The following HTR1D variants were observed in gnomAD, a reference collection of about 807,000 sequenced individuals.
The protein encoded by HTR1D is 5-hydroxytryptamine receptor 1D.
HTR1D carries 18 observed loss-of-function variants against 21.1 expected under a neutral mutation model. The observed-to-expected ratio is 0.85, with a 90% confidence interval of 0.59 to 1.27. The LOEUF (loss-of-function observed/expected upper bound fraction) is 1.27. HTR1D is among the 50% of genes most tolerant of loss of function. HTR1D has a pLI of 0.00. For missense variants in HTR1D, 456 were observed against 481.4 expected, an observed-to-expected ratio of 0.95 and a Z score of 0.49; for synonymous variants, 196 against 204.4, an observed-to-expected ratio of 0.96 and a Z score of 0.35.
chr1:23,205,176 T>C, intron 1 of HTR1D, among the ~76,000 whole-genome samples: 1 of 151,062 alleles, frequency 6.6e-6, no homozygotes, highest in Admixed American at 6.6e-5. Context: ...CTCACTGATA[T>C]GTGGGAACTA....
rs578000157 is a variant in HTR1D, at chr1:23,202,092, T to TTTTG, written c.-782-7095_-782-7092dup. ...TGGTTTTTTGTTGTTGTTGTTGTTG[T>TTTTG]TTTGTTTGTTTGTTTGTTTTTTGAG... On this transcript the variant is annotated intron_variant, in intron 1 of 1. Transcript: ENST00000374619. Among the ~76,000 whole-genome samples the TTTTG allele has an allele frequency of 1.6e-4, 24 of 151,884 alleles. 1 individual carries two copies. In the East Asian group the frequency reaches 2.7e-3, roughly 17 times the overall value.
intron 1 of HTR1D, among the ~76,000 whole-genome samples, chr1:23,203,570 C>T (rs957615119): frequency 5.9e-5 from 9 of 152,098 alleles, no homozygotes; most frequent in Admixed American, 2.0e-4. Flanking sequence ...GGTGGGAGAA[C>T]TGCTTGAGCC....
At chr1:23,210,283 G>T (rs1644748855) in intron 1 of HTR1D, among the ~76,000 whole-genome samples, 1 of 152,120 alleles carries the variant, frequency 6.6e-6, no homozygotes, top group African/African-American at 2.4e-5. Context: ...TCACCATGTT[G>T]GCCAGGCTGG....
chr1:23,209,955 A>C (rs1644747772), intron 1 of HTR1D, among the ~76,000 whole-genome samples: 2 of 152,182 alleles, frequency 1.3e-5, no homozygotes, highest in Admixed American at 1.3e-4. Context: ...TGGTGACGGC[A>C]GCTTGGCACA....
At chr1:23,195,881 T>C (rs1163409392) in intron 1 of HTR1D, among the ~76,000 whole-genome samples, 6 of 152,156 alleles carry the variant, frequency 3.9e-5, no homozygotes, top group Non-Finnish European at 8.8e-5. Context: ...CAGGCTAGAG[T>C]GCGGTGGCAT....
rs750080172 is a variant in HTR1D at position 23,193,677 on chromosome 1, G to A, written c.543C>T (p.Ala181=). 2.5e-6 allele frequency: 4 copies of A among 1,613,428 alleles called. No individual in the cohort carries two copies. In the African/African-American group the frequency reaches 5.3e-5, roughly 22 times the overall value. ...CCAGACAGTCCGACATCTCCTCCTG[G>A]GCCTTGGCCTGCCGCCAGAAGAGCG... ...IPPLFWRQAK[A]QEEMSDCLVN... is the part of the protein sequence containing the mutation. Residue 181 remains alanine (A), a synonymous_variant, in exon 2 of 2, where the codon GCC becomes GCT. Coordinates refer to ENST00000374619, the MANE Select transcript of HTR1D (RefSeq NM_000864.5).
Position 23,194,199 on chromosome 1 carries a change from T to C in HTR1D, c.21A>G (p.Ser7=). Residue 7 remains serine (S), a synonymous_variant, in exon 2 of 2, where the codon TCA becomes TCG. Transcript: ENST00000374619. MSPLNQ[S]AEGLPQEASN... ...AGGCCTCCTGGGGAAGGCCTTCTGC[T>C]GACTGGTTCAGTGGGGACATGCTAG... 1 of 1,613,682 alleles carries C rather than the reference T, an allele frequency of 6.2e-7. No homozygotes were observed.
chr1:23,193,418 C>A lies in HTR1D; in HGVS notation c.802G>T (p.Ala268Ser), dbSNP rs540724727. ...TGGTTGAAAAAGAGAGGGGAGCCAG[C>A]CGAGTGCGAGTGCCCCTCATGGAGG... ...SSLHEGHSHSAGSPLFFNHVK... is the reference protein window; with the variant it reads ...SSLHEGHSHSSGSPLFFNHVK... Residue 268 changes from alanine to serine, a missense_variant, in exon 2 of 2, where the codon GCT (alanine) becomes TCT (serine). Physicochemically the swap from Ala to Ser is moderately conservative, Grantham distance 99. Coordinates refer to ENST00000374619, the MANE Select transcript of HTR1D (RefSeq NM_000864.5). The A allele has an allele frequency of 6.2e-7, 1 of 1,614,162 alleles. No individual in the cohort carries two copies. Among genetic ancestry groups the A allele is most frequent in the Non-Finnish European group, 8.5e-7 (1 of 1,180,022 alleles).
At position 23,215,494 on chromosome 1, in the gene HTR1D, G is replaced by T. The variant is rs1644770192; in HGVS notation, c.-783+1797C>A. 2.6e-5 allele frequency among the ~76,000 whole-genome samples: 4 copies of T among 152,182 alleles called. No individual in the cohort carries two copies. The South Asian group carries it at 8.3e-4, about 32-fold the overall frequency. On this transcript the variant is annotated intron_variant, in intron 1 of 1. Transcript: ENST00000374619. Reference sequence around the variant, plus strand: ...TTCCTGGAAGACATGGCTGACCCCTGCCCCTCTGTGGGCCTTAGACGGGAA... The same window carrying T: ...TTCCTGGAAGACATGGCTGACCCCTTCCCCTCTGTGGGCCTTAGACGGGAA...
At chr1:23,214,392 A>T (rs570484284) in intron 1 of HTR1D, among the ~76,000 whole-genome samples, 19 of 152,204 alleles carry the variant, frequency 1.2e-4, no homozygotes, top group African/African-American at 4.6e-4. Context: ...GCACTGCTGC[A>T]CTCTAGCCTG....
chr1:23,213,528 A>G (rs1437242611), intron 1 of HTR1D, among the ~76,000 whole-genome samples: 2 of 150,488 alleles, frequency 1.3e-5, no homozygotes, highest in African/African-American at 2.4e-5. Context: ...TCACATATCA[A>G]TGGCAAAGTC....
chr1:23,193,733 A>G lies in HTR1D; in HGVS notation c.487T>C (p.Trp163Arg). The change falls in exon 2 of 2, where the codon TGG (tryptophan) becomes CGG (arginine). Residue 163 changes from tryptophan (W) to arginine (R), a missense_variant. Transcript: ENST00000374619. ...ATGGAGATGCAGATGGAGATGGCCC[A>G]GACAATGGCGATCATGGTGGCCGCG... Reference protein sequence around the residue: ...GHAATMIAIVWAISICISIPP... With the variant: ...GHAATMIAIVRAISICISIPP... 1 of 1,614,176 alleles carries G rather than the reference A, an allele frequency of 6.2e-7. No homozygotes were observed. Among genetic ancestry groups the G allele is most frequent in the South Asian group, 1.1e-5 (1 of 91,084 alleles).
At chr1:23,205,899 C>G (rs893146878) in intron 1 of HTR1D, among the ~76,000 whole-genome samples, 1 of 152,114 alleles carries the variant, frequency 6.6e-6, no homozygotes, top group African/African-American at 2.4e-5. Flanking sequence ...CTAACTGTGC[C>G]TTGACTCTTC....
chr1:23,206,214 T>G (rs1177751229), intron 1 of HTR1D, among the ~76,000 whole-genome samples: 5 of 152,062 alleles, frequency 3.3e-5, no homozygotes, highest in Non-Finnish European at 7.4e-5. Flanking sequence ...GCTAATTTTT[T>G]TGTATTTTTA....
Position 23,193,017 on chromosome 1 carries a change from A to AG in HTR1D, c.*68_*69insC, listed in dbSNP as rs1644665474. On this transcript the variant is annotated 3_prime_UTR_variant, in exon 2 of 2. Coordinates refer to ENST00000374619, the MANE Select transcript of HTR1D (RefSeq NM_000864.5). ...TAATCCAAGTCTCAGAAAATAATTA[A>AG]AAAAAAAAAAGACAATCCCGATGAG... is the stretch of plus-strand genomic sequence containing the variant. 1 of 1,021,932 alleles carries AG rather than the reference A, an allele frequency of 9.8e-7. No individual in the cohort carries two copies. The highest frequency in any genetic ancestry group is 1.8e-5 in the South Asian group (1 of 55,196). The allele number at this position is 1,021,932 out of a possible 1,614,324, so 63.3% of individuals were successfully genotyped here. A position where few individuals can be genotyped will look rare whatever the true frequency, so the allele number is the denominator to read the frequency against.
At chr1:23,203,152 G>A (rs1370514312) in intron 1 of HTR1D, among the ~76,000 whole-genome samples, 2 of 152,216 alleles carry the variant, frequency 1.3e-5, no homozygotes, top group East Asian at 3.9e-4. Flanking sequence ...CCCCACCTCG[G>A]CTTCCCAAAG....
In HTR1D at chr1:23,217,468, C is replaced by T. The variant is rs1001889443; in HGVS notation, c.-960G>A. The stretch of plus-strand genomic sequence containing the variant: ...CGCGCCCTCGCGATCCCGCACCTGC[C>T]TCCGCCTCTCCCAGAGCCCTGCGGC... On this transcript the variant is annotated 5_prime_UTR_variant, in exon 1 of 2. Transcript: ENST00000374619. The surrounding 1 kb of genome is among the most constrained non-coding windows in gnomAD (Gnocchi z 4.6). Among the ~76,000 whole-genome samples, 1 of 152,054 alleles carries T rather than the reference C, an allele frequency of 6.6e-6. No homozygotes were observed. Among genetic ancestry groups the T allele is most frequent in the Non-Finnish European group, 1.5e-5 (1 of 67,970 alleles).
At chr1:23,216,582 C>G (rs1557730921) in intron 1 of HTR1D, among the ~76,000 whole-genome samples, 1 of 152,240 alleles carries the variant, frequency 6.6e-6, no homozygotes, top group African/African-American at 2.4e-5. Context: ...ACGGATTCCC[C>G]ACTCTCCCCA....
rs7541089 is a variant in HTR1D at position 23,211,984 on chromosome 1, C to T, written c.-783+5307G>A. On this transcript the variant is annotated intron_variant, in intron 1 of 1. Coordinates refer to ENST00000374619, the MANE Select transcript of HTR1D (RefSeq NM_000864.5). ...AGCCCCAAATCCTTTTCTACATTTC[C>T]TATTGTTTACCTATCCAGACATCAC... Among the ~76,000 whole-genome samples, 878 of 152,136 alleles carry T rather than the reference C, an allele frequency of 5.8e-3. 9 individuals carry two copies. The highest frequency in any genetic ancestry group is 0.019 in the African/African-American group (800 of 41,514).
Sources: gnomAD v4.1 joint callset for allele counts (sites outside exome capture counted in the v4.1 genomes callset) on GRCh38, gnomAD v4.1.1 for gene constraint, Gnocchi (gnomAD v3.1) non-coding constraint, MANE v1.5 for transcripts, NCBI Gene and HGNC (gene_info 2026-07-23, HGNC 2026-07-21) for gene names.